Variants in MYO16 observed in about 807,000 individuals in gnomAD.
MYO16 encodes myosin XVI.
A neutral mutation model predicts 205.3 loss-of-function variants in MYO16; 94 were observed. That is an observed-to-expected ratio of 0.46 (90% CI 0.39 to 0.54). MYO16 has a LOEUF of 0.54. Among genes scored for constraint, MYO16 ranks in the 20% least tolerant of loss-of-function variants. MYO16 has a pLI of 0.00. For synonymous variants in MYO16, 988 were observed against 954.0 expected, an observed-to-expected ratio of 1.04 and a Z score of -0.66; for missense variants, 2,315 against 2,387.5, an observed-to-expected ratio of 0.97 and a Z score of 0.63.
At chr13:109,102,506 GTGTATA>G (rs10602203) in intron 28 of MYO16, among the ~76,000 whole-genome samples, 115,806 of 144,296 alleles carry the variant, frequency 0.8, 44,699 homozygotes, top group Middle Eastern at 0.88. Flanking sequence ...GTGTGTGTGT[GTGTATA>G]TATATATATA....
At chr13:109,201,957 C>CAT (rs370985581) in intron 34 of MYO16, among the ~76,000 whole-genome samples, 1,948 of 150,250 alleles carry the variant, frequency 0.013, 29 homozygotes, top group African/African-American at 0.037. Context: ...AGTATTCCAT[C>CAT]ATATATATAT....
At chr13:109,154,088 C>G (rs1304101153) in intron 32 of MYO16, among the ~76,000 whole-genome samples, 1 of 152,218 alleles carries the variant, frequency 6.6e-6, no homozygotes, top group East Asian at 1.9e-4. Flanking sequence ...CCATGTAGCT[C>G]TTCCAGAATT....
Position 109,206,916 on chromosome 13 carries a change from T to G in MYO16, c.*80T>G. 3.9e-6 allele frequency: 5 copies of G among 1,283,342 alleles called. No individual in the cohort carries two copies. The highest frequency in any genetic ancestry group is 4.4e-6 in the Non-Finnish European group (4 of 914,304). 79.5% of individuals were successfully genotyped at this position (1,283,342 alleles called of 1,614,324 possible). ...AACAACAGAAGGCTGCCTTCTGACA[T>G]GCGCTGGGGCTTCTCTCCACGCATT... On this transcript the variant is annotated 3_prime_UTR_variant, in exon 35 of 35. Transcript: ENST00000457511.
At chr13:109,009,458 AC>A (rs1885517353) in intron 22 of MYO16, among the ~76,000 whole-genome samples, 1 of 152,288 alleles carries the variant, frequency 6.6e-6, no homozygotes, top group Admixed American at 6.5e-5. Context: ...ATTTGGAAAA[AC>A]TGGCAGGAAA....
the MYO16 span, among the ~76,000 whole-genome samples, chr13:108,578,366 T>C: frequency 2.0e-5 from 3 of 152,200 alleles, no homozygotes; most frequent in African/African-American, 7.2e-5. Context: ...CTCATTGCAA[T>C]CCATTTCACA....
chr13:108,527,634 G>A, the MYO16 span, among the ~76,000 whole-genome samples: 3 of 152,138 alleles, frequency 2.0e-5, no homozygotes, highest in Non-Finnish European at 2.9e-5. Context: ...TGAATAATAT[G>A]AGTGATCATT....
At chr13:109,062,955 T>C (rs1016799631) in intron 27 of MYO16, among the ~76,000 whole-genome samples, 4 of 152,178 alleles carry the variant, frequency 2.6e-5, no homozygotes, top group African/African-American at 9.7e-5. Flanking sequence ...AATAAAAATC[T>C]ATCAAAATGA....
chr13:108,666,781 A>G (rs1881751642), intron 2 of MYO16, among the ~76,000 whole-genome samples: 1 of 152,170 alleles, frequency 6.6e-6, no homozygotes, highest in African/African-American at 2.4e-5. Context: ...GCAAATCTCA[A>G]TTGTCTTCAC....
chr13:108,676,109 G>T (rs1023629296), intron 2 of MYO16, among the ~76,000 whole-genome samples: 14 of 152,128 alleles, frequency 9.2e-5, no homozygotes, highest in African/African-American at 3.1e-4. Flanking sequence ...TATAATCAGT[G>T]ATCGTCACCG....
chr13:108,641,883 T>C lies in MYO16; in HGVS notation c.28+12011T>C, dbSNP rs112060083. 3.3e-5 allele frequency among the ~76,000 whole-genome samples: 5 copies of C among 152,296 alleles called. 1 individual carries two copies. The highest frequency in any genetic ancestry group is 1.2e-4 in the African/African-American group (5 of 41,564). Reference sequence around the variant, plus strand: ...TTCAGTAAATCATGGCCTGGCATACTTGGCCAGTGTGAGCTGTGATAACAA... The same window carrying C: ...TTCAGTAAATCATGGCCTGGCATACCTGGCCAGTGTGAGCTGTGATAACAA... On this transcript the variant is annotated intron_variant, in intron 1 of 34. Coordinates refer to ENST00000457511, the MANE Select transcript of MYO16 (RefSeq NM_001198950.3).
chr13:109,069,756 T>C (rs376458348), intron 27 of MYO16, among the ~76,000 whole-genome samples: 2 of 152,256 alleles, frequency 1.3e-5, no homozygotes, highest in East Asian at 3.9e-4. Context: ...TAATTTAGCC[T>C]TAATTACTTC....
chr13:109,194,117 T>G (rs1880045275), intron 34 of MYO16, among the ~76,000 whole-genome samples: 1 of 152,174 alleles, frequency 6.6e-6, no homozygotes, highest in Admixed American at 6.5e-5. Context: ...GCATCTTTAT[T>G]CATATAATTT....
chr13:109,130,292 G>C (rs918393213), intron 31 of MYO16, among the ~76,000 whole-genome samples: 2 of 152,148 alleles, frequency 1.3e-5, no homozygotes, highest in Non-Finnish European at 2.9e-5. Flanking sequence ...GTCGCACCCT[G>C]GTGAGCAGAC....
chr13:108,955,684 C>A (rs1334225631), intron 16 of MYO16, among the ~76,000 whole-genome samples: 2 of 152,132 alleles, frequency 1.3e-5, no homozygotes, highest in Non-Finnish European at 2.9e-5. Context: ...AAACTCGTCT[C>A]TACTAAAAAT....
chr13:109,156,359 A>G (rs1438772186), intron 32 of MYO16, among the ~76,000 whole-genome samples: 1 of 152,226 alleles, frequency 6.6e-6, no homozygotes, highest in Non-Finnish European at 1.5e-5. Flanking sequence ...AGGAAAAAAC[A>G]AGCACATTCC....
chr13:108,595,105 A>C (rs893766106), upstream of MYO16, among the ~76,000 whole-genome samples: 1 of 152,206 alleles, frequency 6.6e-6, no homozygotes, highest in African/African-American at 2.4e-5. Context: ...CTGAACTCTA[A>C]AGTGAAAATG....
chr13:108,806,375 A>T (rs1887112805), intron 6 of MYO16, among the ~76,000 whole-genome samples: 1 of 152,176 alleles, frequency 6.6e-6, no homozygotes, highest in Non-Finnish European at 1.5e-5. Context: ...CAATTATTAT[A>T]TTCTGTATTT....
At chr13:109,093,634 C>T (rs1055640959) in intron 27 of MYO16, among the ~76,000 whole-genome samples, 1 of 152,096 alleles carries the variant, frequency 6.6e-6, no homozygotes, top group Non-Finnish European at 1.5e-5. Context: ...TTTGTTAGGT[C>T]AAAAACCTTG....
chr13:108,762,516 T>C (rs1409350713), intron 4 of MYO16, among the ~76,000 whole-genome samples: 4 of 152,194 alleles, frequency 2.6e-5, no homozygotes, highest in Non-Finnish European at 5.9e-5. Flanking sequence ...TTTTTAACAA[T>C]AGCCATTCTG....
Sources: allele counts gnomAD v4.1 joint callset (sites outside exome capture counted in the v4.1 genomes callset), GRCh38; gene constraint gnomAD v4.1.1; transcripts MANE v1.5; gene names NCBI Gene and HGNC (gene_info 2026-07-23, HGNC 2026-07-21).